Variants in NELL2 observed in about 807,000 individuals in gnomAD.
NELL2 encodes the protein neural EGFL like 2, also known as protein kinase C-binding protein NELL2.
A neutral mutation model predicts 109.6 loss-of-function variants in NELL2; 41 were observed. The ratio of observed to expected loss-of-function variants is 0.37; its 90% CI spans 0.29 to 0.49. The LOEUF (loss-of-function observed/expected upper bound fraction) is 0.49. NELL2 is among the 20% of genes least tolerant of loss of function. NELL2 has a pLI of 0.98. For missense variants in NELL2, 900 were observed against 1,008.3 expected, an observed-to-expected ratio of 0.89 and a Z score of 1.45; for synonymous variants, 355 against 344.7, an observed-to-expected ratio of 1.03 and a Z score of -0.33.
chr12:44,624,773 A>G (rs1946177382), intron 13 of NELL2, among the ~76,000 whole-genome samples: 1 of 148,614 alleles, frequency 6.7e-6, no homozygotes, highest in South Asian at 2.1e-4. Context: ...TGACTCACTA[A>G]TGCTCCTGCT....
At chr12:44,572,785 C>T (rs1207511644) in intron 15 of NELL2, among the ~76,000 whole-genome samples, 1 of 152,146 alleles carries the variant, frequency 6.6e-6, no homozygotes, top group African/African-American at 2.4e-5. Context: ...AAGAAAGAAA[C>T]CTAAGTTTCC....
At chr12:44,811,573 T>C (rs1943181197) in intron 3 of NELL2, among the ~76,000 whole-genome samples, 1 of 152,056 alleles carries the variant, frequency 6.6e-6, no homozygotes, top group South Asian at 2.1e-4. Flanking sequence ...TCACTGTGCC[T>C]GGCTAGTATT....
At chr12:44,832,131 G>C (rs1943908153) in intron 2 of NELL2, among the ~76,000 whole-genome samples, 1 of 151,974 alleles carries the variant, frequency 6.6e-6, no homozygotes, top group African/African-American at 2.4e-5. Flanking sequence ...ATTTAAAAAT[G>C]TAAAAACCAG....
chr12:44,910,823 GA>G (rs1343285034), intron 1 of NELL2, among the ~76,000 whole-genome samples: 1 of 151,922 alleles, frequency 6.6e-6, no homozygotes, highest in Non-Finnish European at 1.5e-5. Context: ...GATGCAGCTG[GA>G]GGCCATAATC....
At position 44,745,897 on chromosome 12, in the gene NELL2, C is replaced by T. The variant is rs571730226; in HGVS notation, c.994+28850G>A. 2.6e-5 allele frequency among the ~76,000 whole-genome samples: 4 copies of T among 152,240 alleles called. No homozygotes were observed. In the South Asian group the frequency reaches 8.3e-4, roughly 32 times the overall value. ...CAAAGGTAATTTATAGATTCAATGC[C>T]ATCCCCATCAAGCTACCAATGACTT... On this transcript the variant is annotated intron_variant, in intron 9 of 19. Coordinates refer to ENST00000429094, the MANE Select transcript of NELL2 (RefSeq NM_001145108.2).
chr12:44,701,031 T>C (rs556979880), intron 12 of NELL2, among the ~76,000 whole-genome samples: 2 of 152,262 alleles, frequency 1.3e-5, no homozygotes, highest in East Asian at 3.9e-4. Flanking sequence ...ATGGCTTGCT[T>C]ATTTTTATGT....
chr12:44,693,056 G>A (rs541289960), intron 12 of NELL2, among the ~76,000 whole-genome samples: 1 of 152,216 alleles, frequency 6.6e-6, no homozygotes, highest in South Asian at 2.1e-4. Context: ...AAATAGCATT[G>A]CATGCTACAG....
chr12:44,725,023 C>T (rs1378105903), intron 9 of NELL2, among the ~76,000 whole-genome samples: 1 of 152,004 alleles, frequency 6.6e-6, no homozygotes, highest in Non-Finnish European at 1.5e-5. Context: ...ATAAGGAAGA[C>T]TCCCTATTCA....
intron 13 of NELL2, among the ~76,000 whole-genome samples, chr12:44,656,664 G>T (rs567827988): frequency 1.3e-5 from 2 of 152,076 alleles, no homozygotes; most frequent in African/African-American, 2.4e-5. Context: ...TCCACTTCTG[G>T]CTCTTTGTCA....
intron 15 of NELL2, among the ~76,000 whole-genome samples, chr12:44,595,685 C>T (rs900237218): frequency 6.6e-6 from 1 of 151,438 alleles, no homozygotes; most frequent in Non-Finnish European, 1.5e-5. Context: ...TCATGATCTG[C>T]CCGCCTCGGC....
At chr12:44,700,965 T>A (rs1949210195) in intron 12 of NELL2, among the ~76,000 whole-genome samples, 1 of 152,154 alleles carries the variant, frequency 6.6e-6, no homozygotes, top group South Asian at 2.1e-4. Flanking sequence ...ATTACAGTCA[T>A]ATCATTAAGC....
At chr12:44,561,165 T>C (rs1943454363) in intron 15 of NELL2, among the ~76,000 whole-genome samples, 1 of 152,176 alleles carries the variant, frequency 6.6e-6, no homozygotes, top group African/African-American at 2.4e-5. Flanking sequence ...AACTAGGAAT[T>C]GATGGAATGT....
Position 44,508,555 on chromosome 12 carries a change from T to C in NELL2, c.*379A>G, listed in dbSNP as rs1334700414. 1.8e-5 allele frequency: 3 copies of C among 171,386 alleles called. No homozygotes were observed. The South Asian group carries it at 5.3e-4, about 30-fold the overall frequency. The allele number at this position is 171,386 out of a possible 1,614,324, so 10.6% of individuals were successfully genotyped here. Reference sequence around the variant, plus strand: ...CTGCCTGACATTTTATTTCTTGCAGTGAGGAACCTAACTGATTCTTGAAGA... The same window carrying C: ...CTGCCTGACATTTTATTTCTTGCAGCGAGGAACCTAACTGATTCTTGAAGA... On this transcript the variant is annotated 3_prime_UTR_variant, in exon 20 of 20. Coordinates refer to ENST00000429094, the MANE Select transcript of NELL2 (RefSeq NM_001145108.2).
chr12:44,919,068 A>G (rs1450200243), upstream of NELL2, among the ~76,000 whole-genome samples: 2 of 152,176 alleles, frequency 1.3e-5, no homozygotes, highest in Non-Finnish European at 2.9e-5. Context: ...CAACCATCCT[A>G]CTGCCAGATT....
At chr12:44,778,513 T>C (rs1941834488) in intron 5 of NELL2, among the ~76,000 whole-genome samples, 3 of 152,166 alleles carry the variant, frequency 2.0e-5, no homozygotes, top group South Asian at 4.1e-4. Context: ...CCCAGAGTTG[T>C]ACACATAATT....
intron 12 of NELL2, among the ~76,000 whole-genome samples, chr12:44,685,130 A>G (rs1284561023): frequency 6.6e-6 from 1 of 152,200 alleles, no homozygotes; most frequent in Non-Finnish European, 1.5e-5. Context: ...TATTTAGGAT[A>G]GTTAGTTCTT....
chr12:44,805,601 T>C (rs1942973403), intron 3 of NELL2, among the ~76,000 whole-genome samples: 1 of 151,802 alleles, frequency 6.6e-6, no homozygotes, highest in South Asian at 2.1e-4. Context: ...ACATGTCAAT[T>C]TTTTTCTTAG....
At chr12:44,597,932 T>G (rs952720689) in intron 15 of NELL2, among the ~76,000 whole-genome samples, 1 of 152,208 alleles carries the variant, frequency 6.6e-6, no homozygotes, top group African/African-American at 2.4e-5. Context: ...TGCTTTTGTT[T>G]GTCAAGTGTC....
At chr12:44,680,415 T>A (rs1358764129) in intron 12 of NELL2, among the ~76,000 whole-genome samples, 1 of 152,164 alleles carries the variant, frequency 6.6e-6, no homozygotes, top group African/African-American at 2.4e-5. Flanking sequence ...ATATGAACAA[T>A]TTTTTAAAAA....
Sources: gnomAD v4.1 joint callset for allele counts (sites outside exome capture counted in the v4.1 genomes callset) on GRCh38, gnomAD v4.1.1 for gene constraint, MANE v1.5 for transcripts, NCBI Gene and HGNC (gene_info 2026-07-23, HGNC 2026-07-21) for gene names.